Variants in ITGA9 observed in about 807,000 individuals in gnomAD.
The protein encoded by ITGA9 is integrin subunit alpha 9, also known as integrin alpha-9.
Under a neutral mutation model 127.8 loss-of-function variants are expected in ITGA9, and 56 were observed. The observed-to-expected ratio is 0.44, with a 90% CI of 0.35 to 0.55. The LOEUF (loss-of-function observed/expected upper bound fraction) is 0.55. ITGA9 is among the 20% of genes least tolerant of loss of function. The pLI is 0.00. For missense variants in ITGA9, 1,196 were observed against 1,347.1 expected, an observed-to-expected ratio of 0.89 and a Z score of 1.76; for synonymous variants, 508 against 514.5, an observed-to-expected ratio of 0.99 and a Z score of 0.17.
intron 23 of ITGA9, among the ~76,000 whole-genome samples, chr3:37,762,643 C>T (rs1443745434): frequency 2.0e-5 from 3 of 152,212 alleles, no homozygotes; most frequent in Admixed American, 6.5e-5. Flanking sequence ...CAAAATTTCC[C>T]CACAAGAGAC....
chr3:37,626,767 C>G (rs948966227), intron 15 of ITGA9, among the ~76,000 whole-genome samples: 2 of 152,182 alleles, frequency 1.3e-5, no homozygotes, highest in African/African-American at 4.8e-5. Context: ...TTGGCCCAGT[C>G]TCTGGAACAC....
intron 17 of ITGA9, among the ~76,000 whole-genome samples, chr3:37,671,929 G>T (rs1174431987): frequency 1.3e-5 from 2 of 152,128 alleles, no homozygotes; most frequent in Non-Finnish European, 2.9e-5. Flanking sequence ...TGCAGTATTT[G>T]AATATATAAA....
intron 18 of ITGA9, among the ~76,000 whole-genome samples, chr3:37,696,641 C>T (rs149533876): frequency 2.0e-5 from 3 of 152,302 alleles, no homozygotes; most frequent in African/African-American, 7.2e-5. Flanking sequence ...TTGGCATCTT[C>T]CTTTTTAAAA....
At chr3:37,662,264 G>A (rs996432644) in intron 17 of ITGA9, among the ~76,000 whole-genome samples, 3 of 152,064 alleles carry the variant, frequency 2.0e-5, no homozygotes, top group Non-Finnish European at 4.4e-5. Context: ...TTAGCCAGGC[G>A]TGGCAGCAAG....
At chr3:37,539,694 T>A (rs760742462) in intron 14 of ITGA9, among the ~76,000 whole-genome samples, 18 of 152,204 alleles carry the variant, frequency 1.2e-4, no homozygotes, top group Non-Finnish European at 2.4e-4. Flanking sequence ...CTCAGTGACA[T>A]CTAGATTGGT....
intron 15 of ITGA9, among the ~76,000 whole-genome samples, chr3:37,545,634 G>A (rs1418799446): frequency 6.6e-6 from 1 of 152,188 alleles, no homozygotes; most frequent in Admixed American, 6.5e-5. Flanking sequence ...CCACTTCCTT[G>A]GCTTCTCTGC....
chr3:37,771,788 A>T (rs1189631802), intron 23 of ITGA9, among the ~76,000 whole-genome samples: 1 of 152,020 alleles, frequency 6.6e-6, no homozygotes. Context: ...TTTGTCTCCC[A>T]TGGTCTAGGC....
intron 17 of ITGA9, among the ~76,000 whole-genome samples, chr3:37,659,925 G>C (rs890406004): frequency 6.6e-6 from 1 of 151,394 alleles, no homozygotes; most frequent in Admixed American, 6.6e-5. Flanking sequence ...ATTCATCAAA[G>C]GAAAGTAATA....
intron 15 of ITGA9, among the ~76,000 whole-genome samples, chr3:37,560,768 A>G (rs1699479110): frequency 6.6e-6 from 1 of 152,200 alleles, no homozygotes. Context: ...ACTAATTTCA[A>G]TAACATATAT....
chr3:37,511,998 CTTTTCTTTTCTTTTCTTTTCTTTTCT>C lies in ITGA9; in HGVS notation c.898-1761_898-1736del, dbSNP rs1244770390. The stretch of plus-strand genomic sequence containing the variant: ...CTTTTCTTTTCTTTTCTTTTCTTTT[CTTTTCTTTTCTTTTCTTTTCTTTTCT>C]TTTCTTTCTTTCTTTCTTTCTTTCT... On this transcript the variant is annotated intron_variant, in intron 8 of 27. Coordinates refer to ENST00000264741, the MANE Select transcript of ITGA9 (RefSeq NM_002207.3). Among the ~76,000 whole-genome samples the C allele has an allele frequency of 2.7e-3, 107 of 40,180 alleles. 3 individuals carry two copies. The highest frequency in any genetic ancestry group is 0.02 in the Middle Eastern group (2 of 98). 26.4% of individuals were successfully genotyped at this position (40,180 alleles called of 152,430 possible). A position where few individuals can be genotyped will look rare whatever the true frequency, so the allele number is the denominator to read the frequency against.
chr3:37,511,743 G>A (rs1169113093), intron 8 of ITGA9, among the ~76,000 whole-genome samples: 2 of 152,122 alleles, frequency 1.3e-5, no homozygotes, highest in Admixed American at 1.3e-4. Flanking sequence ...GATGGCCTTG[G>A]CATATCACTG....
intron 6 of ITGA9, among the ~76,000 whole-genome samples, chr3:37,504,042 T>C (rs1698816101): frequency 6.6e-6 from 1 of 152,364 alleles, no homozygotes; most frequent in East Asian, 1.9e-4. Flanking sequence ...ATACATAACT[T>C]ACAGGGAAAG....
At chr3:37,722,984 T>G (rs1020708556) in intron 18 of ITGA9, among the ~76,000 whole-genome samples, 2 of 152,204 alleles carry the variant, frequency 1.3e-5, no homozygotes, top group African/African-American at 2.4e-5. Flanking sequence ...CATTTGTTAT[T>G]GTTTGTCTTT....
chr3:37,780,310 C>T (rs1306098349), intron 25 of ITGA9, among the ~76,000 whole-genome samples: 3 of 152,068 alleles, frequency 2.0e-5, no homozygotes, highest in African/African-American at 4.8e-5. Flanking sequence ...CAACCCTCAC[C>T]CCCCTCCCAC....
chr3:37,671,624 G>A (rs1336931637), intron 17 of ITGA9, among the ~76,000 whole-genome samples: 2 of 152,168 alleles, frequency 1.3e-5, no homozygotes, highest in Admixed American at 6.5e-5. Flanking sequence ...TATGAGGGAG[G>A]TGGAGGTATT....
At position 37,551,134 on chromosome 3, in the gene ITGA9, A is replaced by G. The variant is rs116309523; in HGVS notation, c.1689+8549A>G. Among the ~76,000 whole-genome samples the G allele has an allele frequency of 6.0e-3, 909 of 152,298 alleles. 11 individuals are homozygous for G. The highest frequency in any genetic ancestry group is 0.021 in the African/African-American group (871 of 41,544). ...CAGACGACAGCTTTTATGTTTGTAC[A>G]TTGGTTCAGAGGTACTCTGTATTTT... On this transcript the variant is annotated intron_variant, in intron 15 of 27. Transcript: ENST00000264741.
intron 19 of ITGA9, 49 bp from the exon 20 acceptor site, chr3:37,736,855 T>G (rs376141932): frequency 4.9e-6 from 6 of 1,217,090 alleles, no homozygotes; most frequent in Non-Finnish European, 7.3e-6. Flanking sequence ...GAGAACAGTT[T>G]AAGTTTGGAA....
chr3:37,609,001 C>T (rs1343410359), intron 15 of ITGA9, among the ~76,000 whole-genome samples: 2 of 152,110 alleles, frequency 1.3e-5, no homozygotes, highest in Non-Finnish European at 2.9e-5. Flanking sequence ...GGTCAACATC[C>T]CCAAAATGTG....
intron 18 of ITGA9, among the ~76,000 whole-genome samples, chr3:37,714,457 C>T (rs949053984): frequency 3.3e-5 from 5 of 152,250 alleles, no homozygotes; most frequent in African/African-American, 4.8e-5. Flanking sequence ...TCAGGGGCAA[C>T]GGGCCCTGCA....
Sources: gnomAD v4.1 joint callset for allele counts (sites outside exome capture counted in the v4.1 genomes callset) on GRCh38, gnomAD v4.1.1 for gene constraint, MANE v1.5 for transcripts, NCBI Gene and HGNC (gene_info 2026-07-23, HGNC 2026-07-21) for gene names.